Variants in TAFA5 observed in about 807,000 individuals in gnomAD.
TAFA5 encodes the protein chemokine-like protein TAFA-5.
Under a neutral mutation model 15.3 loss-of-function variants are expected in TAFA5, and 6 were observed. The ratio of observed to expected loss-of-function variants is 0.39; its 90% CI spans 0.21 to 0.77. TAFA5 has a LOEUF of 0.77. TAFA5 is among the 30% of genes least tolerant of loss of function. The pLI, the probability that TAFA5 is intolerant of heterozygous loss-of-function variation, is 0.41. For missense variants in TAFA5, 161 were observed against 193.1 expected (o/e 0.83, Z 0.98); for synonymous variants, 103 against 80.7 (o/e 1.28, Z -1.48).
chr22:48,690,626 C>T (rs1335810636), intron 2 of TAFA5, among the ~76,000 whole-genome samples: 1 of 152,160 alleles, frequency 6.6e-6, no homozygotes, highest in Non-Finnish European at 1.5e-5. Flanking sequence ...CCCTTTAAAC[C>T]TCATCTCTTC....
chr22:48,724,529 G>C (rs966100163), intron 3 of TAFA5, among the ~76,000 whole-genome samples: 1 of 152,214 alleles, frequency 6.6e-6, no homozygotes, highest in African/African-American at 2.4e-5. Context: ...CTCACTCCTT[G>C]CACAGCCTCT....
chr22:48,619,625 A>C (rs28567791), intron 1 of TAFA5, among the ~76,000 whole-genome samples: 126,982 of 151,978 alleles, frequency 0.84, 53,292 homozygotes, highest in East Asian at 1. Flanking sequence ...AAGTGCTGAG[A>C]TTACAAGTGT....
At chr22:48,724,384 C>CT (rs1375360347) in intron 3 of TAFA5, among the ~76,000 whole-genome samples, 1 of 152,196 alleles carries the variant, frequency 6.6e-6, no homozygotes, top group Non-Finnish European at 1.5e-5. Context: ...TGCAGCTTCC[C>CT]TCCTCCCGAC....
At chr22:48,586,041 C>T (rs543967979) in intron 1 of TAFA5, among the ~76,000 whole-genome samples, 2 of 152,360 alleles carry the variant, frequency 1.3e-5, no homozygotes, top group East Asian at 3.9e-4. Flanking sequence ...TCGGCCTCTG[C>T]CCCTGCAGCC....
intron 1 of TAFA5, among the ~76,000 whole-genome samples, chr22:48,516,490 G>A (rs573025873): frequency 6.6e-5 from 10 of 152,278 alleles, no homozygotes; most frequent in South Asian, 2.1e-4. Context: ...ATGGGGGCCC[G>A]CCCCCAACTC....
chr22:48,581,718 C>T (rs150607159), intron 1 of TAFA5, among the ~76,000 whole-genome samples: 3 of 152,294 alleles, frequency 2.0e-5, no homozygotes, highest in East Asian at 3.9e-4. Flanking sequence ...CCTGCTTATG[C>T]ATAACTAAAT....
intron 1 of TAFA5, among the ~76,000 whole-genome samples, chr22:48,558,491 A>G (rs769229425): frequency 2.4e-4 from 37 of 152,196 alleles, no homozygotes; most frequent in Non-Finnish European, 3.8e-4. Context: ...CCTCAAAGCC[A>G]ATAATGAAGT....
intron 1 of TAFA5, among the ~76,000 whole-genome samples, chr22:48,491,899 A>T (rs1928166313): frequency 6.6e-6 from 1 of 152,246 alleles, no homozygotes; most frequent in Non-Finnish European, 1.5e-5. Flanking sequence ...GACAAGGACA[A>T]TTGGTAAGAA....
chr22:48,630,480 G>A (rs11705206), intron 1 of TAFA5, among the ~76,000 whole-genome samples: 19,132 of 152,122 alleles, frequency 0.13, 1,463 homozygotes, highest in Non-Finnish European at 0.16. Context: ...CGTCAGCGGC[G>A]TGTGATGACC....
At chr22:48,581,820 C>T (rs527519762) in intron 1 of TAFA5, among the ~76,000 whole-genome samples, 8 of 152,296 alleles carry the variant, frequency 5.3e-5, no homozygotes, top group Non-Finnish European at 7.4e-5. Flanking sequence ...ACAGCCCCTT[C>T]GTTAGGGAGC....
At chr22:48,710,853 C>T (rs946499434) in intron 3 of TAFA5, among the ~76,000 whole-genome samples, 3 of 152,172 alleles carry the variant, frequency 2.0e-5, no homozygotes, top group African/African-American at 7.2e-5. Context: ...GGCTTGGGAG[C>T]TCAGTTTCAC....
chr22:48,734,434 T>C (rs1426958943), intron 3 of TAFA5, among the ~76,000 whole-genome samples: 1 of 152,240 alleles, frequency 6.6e-6, no homozygotes, highest in Non-Finnish European at 1.5e-5. Flanking sequence ...TAATTCAGTC[T>C]CGGGCGTCAA....
intron 1 of TAFA5, among the ~76,000 whole-genome samples, chr22:48,576,051 C>T (rs963101355): frequency 4.3e-5 from 5 of 115,944 alleles, no homozygotes; most frequent in Non-Finnish European, 9.3e-5. Flanking sequence ...CCCCCCCCCC[C>T]CCGCGCCGCC....
intron 1 of TAFA5, among the ~76,000 whole-genome samples, chr22:48,496,569 G>A (rs773167988): frequency 6.6e-6 from 1 of 152,198 alleles, no homozygotes; most frequent in Non-Finnish European, 1.5e-5. Flanking sequence ...GACCAGCTGT[G>A]GGGGACAGAG....
intron 2 of TAFA5, among the ~76,000 whole-genome samples, chr22:48,706,507 G>A (rs975470355): frequency 1.3e-4 from 20 of 152,208 alleles, no homozygotes; most frequent in Admixed American, 2.6e-4. Flanking sequence ...GACTTCATCC[G>A]TTCTCCTAGA....
intron 2 of TAFA5, among the ~76,000 whole-genome samples, chr22:48,695,351 G>A (rs1054031063): frequency 1.3e-5 from 2 of 152,168 alleles, no homozygotes; most frequent in Non-Finnish European, 2.9e-5. Flanking sequence ...TGTTTCTGAC[G>A]ATATCTGAGT....
chr22:48,646,703 G>T lies in TAFA5; in HGVS notation c.219G>T (p.Gly73=). ...CCGCCCGCTGTGCGTGTAGAAAGGG[G>T]CAGATCGCCGGCACCACGAGAGCCC... The part of the protein sequence containing the change: ...RQTARCACRK[G]QIAGTTRARP... The change falls in exon 2 of 4, where the codon GGG becomes GGT. Residue 73 remains glycine, a synonymous_variant. Transcript: ENST00000402357. 2.5e-6 allele frequency: 4 copies of T among 1,604,524 alleles called. No individual in the cohort carries two copies. The highest frequency in any genetic ancestry group is 2.5e-6 in the Non-Finnish European group (3 of 1,177,704).
In TAFA5 at chr22:48,530,654, A is replaced by G. The variant is rs931583008; in HGVS notation, c.112+40950A>G. On this transcript the variant is annotated intron_variant, in intron 1 of 3. Coordinates refer to ENST00000402357, the MANE Select transcript of TAFA5 (RefSeq NM_001082967.3). This position sits in a 1 kb window ranked among gnomAD's most constrained non-coding sequence, Gnocchi z 6.0. ...CCTTCTGCTTGGCGACCCTCCTCCA[A>G]TGGGCTCCCGTCTTTCCTGTCCAAC... 2.6e-5 allele frequency among the ~76,000 whole-genome samples: 4 copies of G among 151,626 alleles called. No individual in the cohort carries two copies. The highest frequency in any genetic ancestry group is 4.9e-5 in the African/African-American group (2 of 41,236).
chr22:48,586,291 T>C (rs1161390361), intron 1 of TAFA5, among the ~76,000 whole-genome samples: 2 of 152,246 alleles, frequency 1.3e-5, no homozygotes, highest in Non-Finnish European at 2.9e-5. Flanking sequence ...CACACGCACC[T>C]CCTGCTGCAG....
Sources: allele counts gnomAD v4.1 joint callset (sites outside exome capture counted in the v4.1 genomes callset), GRCh38; gene constraint gnomAD v4.1.1; non-coding constraint Gnocchi (gnomAD v3.1); transcripts MANE v1.5; gene names NCBI Gene and HGNC (gene_info 2026-07-23, HGNC 2026-07-21).